NLRP2: variants seen among roughly 807,000 people sequenced by gnomAD.
The protein encoded by NLRP2 is NLR family pyrin domain containing 2.
NLRP2 carries 107 observed loss-of-function variants against 97.2 expected under a neutral mutation model. The observed-to-expected ratio is 1.10, with a 90% CI of 0.94 to 1.29. The LOEUF (loss-of-function observed/expected upper bound fraction) is 1.29, where lower values mean the gene tolerates loss of function less well. Ranked by LOEUF, NLRP2 falls within the 50% of genes most tolerant of loss-of-function variation. NLRP2 has a pLI of 0.00. For synonymous variants in NLRP2, 663 were observed against 551.5 expected (o/e 1.20, Z -2.83); for missense variants, 1,495 against 1,330.3 (o/e 1.12, Z -1.93).
At chr19:54,981,553 A>G (rs903825584) in intron 4 of NLRP2, 64 bp from the exon 5 acceptor site, 2 of 630,706 alleles carry the variant, frequency 3.2e-6, no homozygotes, top group Admixed American at 4.2e-5. Flanking sequence ...CTTTTCTCTA[A>G]TTGGGACTCC....
In NLRP2 at chr19:54,997,298, G is replaced by T. The variant is rs2072882813; in HGVS notation, c.2880-19G>T. The T allele has an allele frequency of 6.2e-7, 1 of 1,612,664 alleles. No individual in the cohort carries two copies. The highest frequency in any genetic ancestry group is 1.3e-5 in the African/African-American group (1 of 74,904). On this transcript the variant is annotated intron_variant, in intron 11 of 12. Transcript: ENST00000448584. ...TCAGCACTGGCTGCATTAACGTGTT[G>T]ATTTCTGTGTTTCCCCAGGTTGTGG...
intron 4 of NLRP2, among the ~76,000 whole-genome samples, chr19:54,978,564 G>A (rs1375867109): frequency 6.6e-6 from 1 of 152,054 alleles, no homozygotes; most frequent in East Asian, 1.9e-4. Context: ...TTATTTAAAA[G>A]TTGACAGGTG....
intron 4 of NLRP2, among the ~76,000 whole-genome samples, chr19:54,978,583 T>C (rs1424509793): frequency 6.6e-6 from 1 of 151,976 alleles, no homozygotes; most frequent in Non-Finnish European, 1.5e-5. Context: ...TGGCCAGGTG[T>C]GGTGGCTCTC....
intron 12 of NLRP2, among the ~76,000 whole-genome samples, chr19:54,997,841 C>A (rs2146557745): frequency 8.0e-6 from 1 of 124,930 alleles, no homozygotes; most frequent in Non-Finnish European, 1.7e-5. Context: ...TCGCTGCAGG[C>A]TCGCTCCAGC....
In NLRP2 at chr19:54,982,336, G is replaced by C. The variant is rs1325853669; in HGVS notation, c.638G>C (p.Gly213Ala). ...GPFSYTVVLY[G>A]PAGLGKTTLA... Reference sequence around the variant, plus strand: ...TTCTCATACACGGTGGTGCTGTATGGTCCTGCAGGCCTTGGGAAAACCACG... The same window carrying C: ...TTCTCATACACGGTGGTGCTGTATGCTCCTGCAGGCCTTGGGAAAACCACG... Residue 213 changes from glycine (G) to alanine (A), a missense_variant, in exon 6 of 13, where the codon GGT becomes GCT. Coordinates refer to ENST00000448584, the MANE Select transcript of NLRP2 (RefSeq NM_017852.5). The C allele has an allele frequency of 1.2e-6, 2 of 1,613,948 alleles. No individual in the cohort carries two copies. The highest frequency in any genetic ancestry group is 1.7e-6 in the Non-Finnish European group (2 of 1,180,022).
chr19:54,978,918 A>T (rs995884550), intron 4 of NLRP2, among the ~76,000 whole-genome samples: 12 of 151,964 alleles, frequency 7.9e-5, no homozygotes, highest in African/African-American at 2.9e-4. Context: ...TAATATAAAC[A>T]ACTTACAGAG....
rs781272347 is a variant in NLRP2 at position 54,983,487 on chromosome 19, TCAA to T, written c.1791_1793del (p.Thr598del). The T allele has an allele frequency of 6.8e-6, 11 of 1,614,178 alleles. No homozygotes were observed. The highest frequency in any genetic ancestry group is 9.3e-6 in the Non-Finnish European group (11 of 1,180,028). ...CGACATAAGTTGTAAGGGTGGACAT[TCAA>T]CGGTGACAGACCTGCAGGAGCTCCT... On this transcript the variant is annotated inframe_deletion, in exon 6 of 13. Transcript: ENST00000448584.
chr19:54,976,779 A>G (rs1044390862), intron 3 of NLRP2: 2 of 405,074 alleles, frequency 4.9e-6, no homozygotes, highest in Non-Finnish European at 4.8e-6. Flanking sequence ...TAAGCTGCAG[A>G]TATTGTTATT....
At chr19:54,984,329 G>GTGTGTGTGTTTTTTTTTTTTTTTT in intron 6 of NLRP2, among the ~76,000 whole-genome samples, 1 of 79,670 alleles carries the variant, frequency 1.3e-5, no homozygotes, top group Non-Finnish European at 2.5e-5. Context: ...TTTTTTTTGT[G>GTGTGTGTGTTTTTTTTTTTTTTTT]TTTTTTTTTT....
intron 1 of NLRP2, among the ~76,000 whole-genome samples, chr19:54,968,701 C>CTTTTT (rs61212213): frequency 7.0e-5 from 8 of 114,284 alleles, no homozygotes; most frequent in Non-Finnish European, 1.4e-4. Flanking sequence ...ATCTTTAAGC[C>CTTTTT]TTTTTTTTTT....
rs1375574801 is a variant in NLRP2, at chr19:54,996,050, AAAAC to A, written c.2880-1263_2880-1260del. Among the ~76,000 whole-genome samples, 37 of 147,080 alleles carry A rather than the reference AAAAC, an allele frequency of 2.5e-4. 1 individual carries two copies. Among genetic ancestry groups the A allele is most frequent in the African/African-American group, 8.5e-4 (33 of 38,950 alleles). ...GAGATCCTGTCTCAAAAAAAAAAAA[AAAAC>A]AAAAAAAACAAAGGCGCCTTTTTAA... On this transcript the variant is annotated intron_variant, in intron 11 of 12. Coordinates refer to ENST00000448584, the MANE Select transcript of NLRP2 (RefSeq NM_017852.5).
intron 12 of NLRP2, 73 bp downstream of exon 12, chr19:54,997,560 C>G (rs2072904317): frequency 2.7e-6 from 4 of 1,470,860 alleles, no homozygotes; most frequent in Non-Finnish European, 2.9e-6. Flanking sequence ...TGACATGGAC[C>G]TGCTGTAGGA....
chr19:54,990,106 C>T lies in NLRP2; in HGVS notation c.2451C>T (p.Asn817=). ...LEVNQSLTCV[N]LSDNELLDEG... is the part of the protein sequence containing the mutation. ...TCAACCAGTCCCTGACGTGCGTAAA[C>T]CTCTCCGACAATGAGCTTCTGGATG... is the stretch of plus-strand genomic sequence containing the variant. The change falls in exon 9 of 13, where the codon AAC becomes AAT. Residue 817 remains asparagine, a synonymous_variant. Coordinates refer to ENST00000448584, the MANE Select transcript of NLRP2 (RefSeq NM_017852.5). 1 of 1,614,148 alleles carries T rather than the reference C, an allele frequency of 6.2e-7. No individual in the cohort carries two copies. Among genetic ancestry groups the T allele is most frequent in the African/African-American group, 1.3e-5 (1 of 75,056 alleles).
chr19:54,971,806 A>G (rs1036434640), intron 2 of NLRP2, among the ~76,000 whole-genome samples: 10 of 152,180 alleles, frequency 6.6e-5, no homozygotes, highest in African/African-American at 1.4e-4. Flanking sequence ...AAATAACAAT[A>G]CAATAAAATG....
chr19:54,990,620 A>G lies in NLRP2; in HGVS notation c.2656A>G (p.Lys886Glu). The stretch of plus-strand genomic sequence containing the variant: ...GAACCCCATTGGGAATACAGGGGTG[A>G]AGTTTCTGTGTGAGGGCTTGAGGTA... ...AKNPIGNTGV[K>E]FLCEGLRYPE... Residue 886 changes from lysine to glutamate, a missense_variant, in exon 10 of 13, where the codon AAG becomes GAG. Lys to Glu is a moderately conservative substitution (Grantham distance 56, BLOSUM62 1). Coordinates refer to ENST00000448584, the MANE Select transcript of NLRP2 (RefSeq NM_017852.5). 6.2e-7 allele frequency: 1 copy of G among 1,614,096 alleles called. No individual in the cohort carries two copies.
At position 54,982,584 on chromosome 19, in the gene NLRP2, G is replaced by A. The variant is rs766120038; in HGVS notation, c.886G>A (p.Ala296Thr). The A allele has an allele frequency of 8.7e-6, 14 of 1,614,166 alleles. No homozygotes were observed. The highest frequency in any genetic ancestry group is 1.7e-5 in the Admixed American group (1 of 60,010). Residue 296 changes from alanine (A) to threonine (T), a missense_variant, in exon 6 of 13, where the codon GCA becomes ACA. Physicochemically the swap from Ala to Thr is moderately conservative, Grantham distance 58. Coordinates refer to ENST00000448584, the MANE Select transcript of NLRP2 (RefSeq NM_017852.5). ...TGACGGCTTTGATGAGCTGGGAGCCGCACCTGGGGCGCTGATCGAGGACAT... is the reference window on the plus strand; with the variant it reads ...TGACGGCTTTGATGAGCTGGGAGCCACACCTGGGGCGCTGATCGAGGACAT... ...VIDGFDELGA[A>T]PGALIEDICG...
intron 10 of NLRP2, among the ~76,000 whole-genome samples, chr19:54,991,952 T>G (rs929100186): frequency 1.3e-5 from 2 of 148,934 alleles, no homozygotes; most frequent in African/African-American, 4.9e-5. Flanking sequence ...TAAGATGGAG[T>G]TTTACTCTTG....
chr19:54,967,295 C>T (rs1029985694), intron 1 of NLRP2, among the ~76,000 whole-genome samples: 7 of 152,080 alleles, frequency 4.6e-5, no homozygotes, highest in Non-Finnish European at 8.8e-5. Flanking sequence ...CCAGCCTGAC[C>T]AACATGTAGA....
chr19:54,996,673 C>T (rs1208502241), intron 11 of NLRP2, among the ~76,000 whole-genome samples: 3 of 152,062 alleles, frequency 2.0e-5, no homozygotes, highest in African/African-American at 4.8e-5. Flanking sequence ...CTCACTCATG[C>T]CCGCTGCCTG....
Sources: gnomAD v4.1 joint callset for allele counts (sites outside exome capture counted in the v4.1 genomes callset) on GRCh38, gnomAD v4.1.1 for gene constraint, MANE v1.5 for transcripts, NCBI Gene and HGNC (gene_info 2026-07-23, HGNC 2026-07-21) for gene names.